ZNF585B: variants seen among roughly 807,000 people sequenced by gnomAD.
The protein encoded by ZNF585B is zinc finger protein 41-like protein.
In ZNF585B, 7 loss-of-function variants were observed where a neutral mutation model predicts 14.0. The ratio of observed to expected loss-of-function variants is 0.50; its 90% confidence interval spans 0.28 to 0.94. The LOEUF (loss-of-function observed/expected upper bound fraction) is 0.94. Among genes scored for constraint, ZNF585B ranks in the 40% least tolerant of loss-of-function variants. The pLI is 0.09. For synonymous variants in ZNF585B, 290 were observed against 317.3 expected (o/e 0.91, Z 0.91); for missense variants, 750 against 924.4 (o/e 0.81, Z 2.45).
At chr19:37,209,844 T>C (rs1162664589) in intron 1 of ZNF585B, among the ~76,000 whole-genome samples, 2 of 149,368 alleles carry the variant, frequency 1.3e-5, no homozygotes, top group Non-Finnish European at 3.0e-5. Flanking sequence ...GCCTCCAGAG[T>C]AGCTGGGACT....
At position 37,181,647 on chromosome 19, in the gene ZNF585B, TG is replaced by T. The variant is rs1230274252; in HGVS notation, c.*3579del. 1 of 148,154 alleles carries T rather than the reference TG, an allele frequency of 6.7e-6. No individual in the cohort carries two copies. The highest frequency in any genetic ancestry group is 2.5e-5 in the African/African-American group (1 of 40,036). The allele number at this position is 148,154 out of a possible 1,614,324, so 9.2% of individuals were successfully genotyped here. On this transcript the variant is annotated 3_prime_UTR_variant, in exon 5 of 5. Transcript: ENST00000532828. The stretch of plus-strand genomic sequence containing the variant: ...ATTAAGGTGTCCTTCAGTAGGTGAA[TG>T]GATAAATAAGTCATGGTACTTCCAG...
At chr19:37,206,616 G>C (rs1457338046) in intron 2 of ZNF585B, among the ~76,000 whole-genome samples, 1 of 152,120 alleles carries the variant, frequency 6.6e-6, no homozygotes, top group African/African-American at 2.4e-5. Flanking sequence ...GAAAATAGTA[G>C]AGAAAAGAAA....
At chr19:37,195,345 CAAAAAAAA>C (rs71177429) in intron 2 of ZNF585B, among the ~76,000 whole-genome samples, 3 of 14,282 alleles carry the variant, frequency 2.1e-4, no homozygotes, top group African/African-American at 4.5e-4. Flanking sequence ...GACTCTGACT[CAAAAAAAA>C]AAAAAAAAAA....
rs912280051 is a variant in ZNF585B, at chr19:37,184,792, G to C, written c.*435C>G. 4 of 403,680 alleles carry C rather than the reference G, an allele frequency of 9.9e-6. No individual in the cohort carries two copies. The highest frequency in any genetic ancestry group is 8.2e-5 in the African/African-American group (4 of 48,568). The allele number at this position is 403,680 out of a possible 1,614,324, so 25.0% of individuals were successfully genotyped here. A position where few individuals can be genotyped will look rare whatever the true frequency, so the allele number is the denominator to read the frequency against. Reference sequence around the variant, plus strand: ...TACCCACAATTCTACTAGACAGTGTGTTCTGGAACAAACAACTCACAGAAG... The same window carrying C: ...TACCCACAATTCTACTAGACAGTGTCTTCTGGAACAAACAACTCACAGAAG... On this transcript the variant is annotated 3_prime_UTR_variant, in exon 5 of 5. Coordinates refer to ENST00000532828, the MANE Select transcript of ZNF585B (RefSeq NM_152279.4).
intron 2 of ZNF585B, among the ~76,000 whole-genome samples, chr19:37,192,134 T>A (rs751977435): frequency 1.8e-4 from 28 of 152,196 alleles, no homozygotes; most frequent in Non-Finnish European, 3.2e-4. Context: ...GTCATTATGC[T>A]ACTCCTGAGG....
At chr19:37,208,565 C>T (rs1236892939) in intron 1 of ZNF585B, among the ~76,000 whole-genome samples, 1 of 148,772 alleles carries the variant, frequency 6.7e-6, no homozygotes, top group Non-Finnish European at 1.5e-5. Flanking sequence ...GTAATGTTAA[C>T]TCTAAGCAAT....
In ZNF585B at chr19:37,186,218, C is replaced by T; in HGVS notation, c.1319G>A (p.Cys440Tyr). 1.9e-6 allele frequency: 3 copies of T among 1,614,176 alleles called. No homozygotes were observed. Among genetic ancestry groups the T allele is most frequent in the Non-Finnish European group, 2.5e-6 (3 of 1,180,022 alleles). The change falls in exon 5 of 5, where the codon TGT becomes TAT. Residue 440 changes from cysteine (C) to tyrosine (Y), a missense_variant. Transcript: ENST00000532828. ...AGTAAACAATTTCCCACAGTGACCA[C>T]ATTTATAAGGTTTCTCTCCAGTATG... ...IIHTGEKPYK[C>Y]GHCGKLFTSK...
intron 1 of ZNF585B, 60 bp from the exon 2 acceptor site, chr19:37,207,314 C>T: frequency 3.1e-6 from 4 of 1,297,638 alleles, no homozygotes; most frequent in African/African-American, 3.0e-5. Context: ...TTCCTGGATA[C>T]ACCAAGGTGC....
chr19:37,208,808 ATGG>A (rs1004042695), intron 1 of ZNF585B, among the ~76,000 whole-genome samples: 1 of 152,160 alleles, frequency 6.6e-6, no homozygotes, highest in African/African-American at 2.4e-5. Context: ...CCTGGCCAAC[ATGG>A]CGAAACGCTG....
chr19:37,208,098 A>G (rs2145448321), intron 1 of ZNF585B, among the ~76,000 whole-genome samples: 1 of 152,190 alleles, frequency 6.6e-6, no homozygotes, highest in South Asian at 2.1e-4. Flanking sequence ...TCAGCCTCCC[A>G]AGTAGCTGGG....
At chr19:37,199,067 T>A in intron 2 of ZNF585B, 2 of 1,412,046 alleles carry the variant, frequency 1.4e-6, no homozygotes. Flanking sequence ...GAAAAGAATA[T>A]ACATGTTCTA....
At chr19:37,187,391 G>A in intron 4 of ZNF585B, 147 bp from the exon 5 acceptor site, 1 of 603,758 alleles carries the variant, frequency 1.7e-6, no homozygotes, top group East Asian at 3.0e-5. Flanking sequence ...ACACTGATAG[G>A]GTTTTTAGGG....
Position 37,186,164 on chromosome 19 carries a change from C to A in ZNF585B, c.1373G>T (p.Arg458Leu). Residue 458 changes from arginine (R) to leucine (L), a missense_variant, in exon 5 of 5, where the codon CGA becomes CTA. Arg to Leu is a moderately radical substitution (Grantham distance 102, BLOSUM62 -2). Transcript: ENST00000532828. ...ATAGGGCTTTTCTCCTGTGTGAATT[C>A]GTTTATGAACATGGAGTTGTGACTT... ...TSKSQLHVHK[R>L]IHTGEKPYVC... The A allele has an allele frequency of 6.2e-7, 1 of 1,614,154 alleles. No homozygotes were observed. Among genetic ancestry groups the A allele is most frequent in the Non-Finnish European group, 8.5e-7 (1 of 1,180,030 alleles).
chr19:37,208,237 C>T (rs1449357007), intron 1 of ZNF585B, among the ~76,000 whole-genome samples: 3 of 152,194 alleles, frequency 2.0e-5, no homozygotes, highest in African/African-American at 7.2e-5. Flanking sequence ...TCCCAAAGTG[C>T]TGGGATTACA....
chr19:37,199,605 G>A, intron 2 of ZNF585B: 2 of 314,916 alleles, frequency 6.4e-6, no homozygotes. Flanking sequence ...AATGTACAAA[G>A]ATACTATGAG....
intron 2 of ZNF585B, among the ~76,000 whole-genome samples, chr19:37,191,645 T>C (rs1388621508): frequency 1.3e-5 from 2 of 151,576 alleles, no homozygotes; most frequent in African/African-American, 4.8e-5. Flanking sequence ...TAGTTTTACA[T>C]AATTTGTGGA....
rs868526640 is a variant in ZNF585B at position 37,186,711 on chromosome 19, C to T, written c.826G>A (p.Gly276Arg). ...GERSYICIEC[G>R]QAFIQKTQLI... is the part of the protein sequence containing the mutation. ...TGTGTTTTCTGGATGAAGGCCTGCC[C>T]GCATTCAATACAGATGTAGGATCTC... is the stretch of plus-strand genomic sequence containing the variant. The change falls in exon 5 of 5, where the codon GGG (glycine) becomes AGG (arginine). Residue 276 changes from glycine (G) to arginine (R), a missense_variant. Coordinates refer to ENST00000532828, the MANE Select transcript of ZNF585B (RefSeq NM_152279.4). 7.4e-6 allele frequency: 12 copies of T among 1,614,128 alleles called. No individual in the cohort carries two copies. The Middle Eastern group carries it at 4.9e-4, about 67-fold the overall frequency.
rs866750759 is a variant in ZNF585B at position 37,185,630 on chromosome 19, C to G, written c.1907G>C (p.Cys636Ser). The G allele has an allele frequency of 2.5e-6, 4 of 1,614,028 alleles. No individual in the cohort carries two copies. In the Middle Eastern group the frequency reaches 6.6e-4, roughly 266 times the overall value. The change falls in exon 5 of 5, where the codon TGT becomes TCT. Residue 636 changes from cysteine (C) to serine (S), a missense_variant. By Grantham distance (112) the Cys-to-Ser change is moderately radical. Coordinates refer to ENST00000532828, the MANE Select transcript of ZNF585B (RefSeq NM_152279.4). ...PVHTGEKPYV[C>S]AECGKAFSGR... ...ACTAAAGGCTTTCCCACACTCGGCA[C>G]ACACATAGGGTTTCTCTCCTGTGTG... is the stretch of plus-strand genomic sequence containing the variant.
chr19:37,198,871 A>G, intron 2 of ZNF585B: 1 of 866,248 alleles, frequency 1.2e-6, no homozygotes, highest in Non-Finnish European at 1.7e-6. Flanking sequence ...TGCAGATGGA[A>G]GTGGAAAGAA....
Sources: allele counts gnomAD v4.1 joint callset (sites outside exome capture counted in the v4.1 genomes callset), GRCh38; gene constraint gnomAD v4.1.1; transcripts MANE v1.5; gene names NCBI Gene and HGNC (gene_info 2026-07-23, HGNC 2026-07-21).